MGRN1: variants seen among roughly 807,000 people sequenced by gnomAD.
MGRN1 encodes the protein mahogunin ring finger 1, also known as E3 ubiquitin-protein ligase MGRN1.
In MGRN1, 29 loss-of-function variants were observed where a neutral mutation model predicts 69.2. The observed-to-expected ratio is 0.42, with a 90% CI of 0.31 to 0.57. MGRN1 has a LOEUF of 0.57. Ranked by LOEUF, MGRN1 falls within the 20% of genes least tolerant of loss-of-function variation. The pLI, the probability that MGRN1 is intolerant of heterozygous loss-of-function variation, is 0.15. For missense variants in MGRN1, 998 were observed against 796.2 expected (o/e 1.25, Z -3.05); for synonymous variants, 470 against 344.2 (o/e 1.37, Z -4.04).
At chr16:4,636,912 G>T (rs1313528809) in intron 1 of MGRN1, among the ~76,000 whole-genome samples, 1 of 151,616 alleles carries the variant, frequency 6.6e-6, no homozygotes, top group Non-Finnish European at 1.5e-5. Context: ...AAGGTCAGGA[G>T]ATCGAGACCA....
chr16:4,673,786 T>A, intron 10 of MGRN1, 129 bp downstream of exon 10: 1 of 1,245,786 alleles, frequency 8.0e-7, no homozygotes, highest in Non-Finnish European at 1.1e-6. Context: ...ATTCATCTAG[T>A]CTGTGCTGAA....
At chr16:4,680,577 T>C in intron 12 of MGRN1, 1 of 160,574 alleles carries the variant, frequency 6.2e-6, no homozygotes, top group South Asian at 1.5e-4. Context: ...ACCTGGAGCC[T>C]CCGTGGCCCA....
At chr16:4,635,463 A>G (rs1898232231) in intron 1 of MGRN1, among the ~76,000 whole-genome samples, 1 of 151,718 alleles carries the variant, frequency 6.6e-6, no homozygotes, top group African/African-American at 2.4e-5. Context: ...TGAGGCTAAC[A>G]TATTCTTTTT....
At chr16:4,686,896 T>G in intron 16 of MGRN1, 1 of 985,410 alleles carries the variant, frequency 1.0e-6, no homozygotes, top group Non-Finnish European at 1.2e-6. Flanking sequence ...GATCACGTCT[T>G]CCCAAGCTCA....
intron 16 of MGRN1, chr16:4,686,417 C>G: frequency 2.1e-6 from 3 of 1,453,324 alleles, no homozygotes; most frequent in Non-Finnish European, 1.8e-6. Flanking sequence ...TCGTCCGCAT[C>G]CGCATCTTCC....
In MGRN1 at chr16:4,652,780, C is replaced by T; in HGVS notation, c.399C>T (p.Thr133=). 2 of 1,611,534 alleles carry T rather than the reference C, an allele frequency of 1.2e-6. No homozygotes were observed. Among genetic ancestry groups the T allele is most frequent in the Non-Finnish European group, 1.7e-6 (2 of 1,178,926 alleles). The change falls in exon 4 of 17, where the codon ACC becomes ACT. Residue 133 remains threonine (T), a synonymous_variant. Transcript: ENST00000262370. ...ACGCCGATGCCCGCGTGGCCATCAC[C>T]ATCTACTGCCAGGCATCGGAGGAGT... The part of the protein sequence containing the change: ...TFDADARVAI[T]IYCQASEEFL...
At chr16:4,646,125 C>T (rs1450434756) in intron 1 of MGRN1, among the ~76,000 whole-genome samples, 1 of 152,008 alleles carries the variant, frequency 6.6e-6, no homozygotes, top group Admixed American at 6.6e-5. Context: ...TCTGGCTCAC[C>T]ATCACTCGTG....
At chr16:4,661,985 G>A (rs771296259) in intron 5 of MGRN1, among the ~76,000 whole-genome samples, 4 of 152,164 alleles carry the variant, frequency 2.6e-5, no homozygotes, top group African/African-American at 2.4e-5. Context: ...CCTGCTGGGT[G>A]GGGACATGCC....
rs771081905 is a variant in MGRN1 at position 4,671,468 on chromosome 16, C to T, written c.795+9C>T. 1.9e-6 allele frequency: 3 copies of T among 1,613,616 alleles called. No individual in the cohort carries two copies. Among genetic ancestry groups the T allele is most frequent in the Non-Finnish European group, 8.5e-7 (1 of 1,179,542 alleles). ...ACAACCAGGAGACCAAGGTGTGTAT[C>T]TGGGTGAGGTTTCCCTCTGCCATTA... On this transcript the variant is annotated intron_variant, in intron 9 of 16. Coordinates refer to ENST00000262370, the MANE Select transcript of MGRN1 (RefSeq NM_015246.4).
intron 4 of MGRN1, among the ~76,000 whole-genome samples, chr16:4,653,168 C>T (rs573480430): frequency 6.6e-6 from 1 of 152,326 alleles, no homozygotes; most frequent in Non-Finnish European, 1.5e-5. Flanking sequence ...ATAAATCAGG[C>T]TCCCACAGTC....
At chr16:4,630,128 G>C (rs841174) in intron 1 of MGRN1, among the ~76,000 whole-genome samples, 24,814 of 150,666 alleles carry the variant, frequency 0.16, 2,242 homozygotes, top group Middle Eastern at 0.29. Context: ...GAGATGGGTG[G>C]ATTGCCTGAG....
In MGRN1 at chr16:4,672,656, G is replaced by A. The variant is rs1596307572; in HGVS notation, c.796-842G>A. 1.5e-5 allele frequency: 5 copies of A among 335,822 alleles called. No individual in the cohort carries two copies. The East Asian group carries it at 4.2e-4, about 28-fold the overall frequency. 20.8% of individuals were successfully genotyped at this position (335,822 alleles called of 1,614,324 possible). A position where few individuals can be genotyped will look rare whatever the true frequency, so the allele number is the denominator to read the frequency against. On this transcript the variant is annotated intron_variant, in intron 9 of 16. Coordinates refer to ENST00000262370, the MANE Select transcript of MGRN1 (RefSeq NM_015246.4). ...CATTACAACAGGAGCAGCGGGGACT[G>A]TATAAAAATGAGTGGGTGTGGCGGT...
chr16:4,653,002 C>A (rs1427988255), intron 4 of MGRN1, among the ~76,000 whole-genome samples, 178 bp downstream of exon 4: 1 of 152,034 alleles, frequency 6.6e-6, no homozygotes, highest in African/African-American at 2.4e-5. Flanking sequence ...CACTTTTCTG[C>A]GGGAACCAGC....
Position 4,665,180 on chromosome 16 carries a change from G to A in MGRN1, c.678+29G>A, listed in dbSNP as rs749299650. ...AGTGCCATCTGGCCATCACTTTCCC[G>A]GGGACCTGGGAGCTGGGCAGGGGGT... On this transcript the variant is annotated intron_variant, in intron 7 of 16. Coordinates refer to ENST00000262370, the MANE Select transcript of MGRN1 (RefSeq NM_015246.4). 18 of 1,612,906 alleles carry A rather than the reference G, an allele frequency of 1.1e-5. No homozygotes were observed. The East Asian group carries it at 1.8e-4, about 16-fold the overall frequency.
In MGRN1 at chr16:4,690,881, G is replaced by A. The variant is rs999763634; in HGVS notation, c.*1973G>A. The A allele has an allele frequency of 1.6e-4, 24 of 151,442 alleles. No individual in the cohort carries two copies. The highest frequency in any genetic ancestry group is 5.8e-4 in the African/African-American group (24 of 41,104). The allele number at this position is 151,442 out of a possible 1,614,324, so 9.4% of individuals were successfully genotyped here. On this transcript the variant is annotated 3_prime_UTR_variant, in exon 17 of 17. Transcript: ENST00000262370. ...GTTCGGGCCGCAGAGTGGCCCGCTG[G>A]GACTCCCATGTGCTGCCGTCTGATG... is the stretch of plus-strand genomic sequence containing the variant.
chr16:4,674,374 C>T (rs937532310), intron 10 of MGRN1, among the ~76,000 whole-genome samples: 5 of 151,758 alleles, frequency 3.3e-5, no homozygotes, highest in Non-Finnish European at 4.4e-5. Flanking sequence ...CTGCAAACTC[C>T]GCCTCCCGGG....
At chr16:4,636,946 C>G (rs539730956) in intron 1 of MGRN1, among the ~76,000 whole-genome samples, 29 of 151,436 alleles carry the variant, frequency 1.9e-4, no homozygotes, top group African/African-American at 6.5e-4. Context: ...GGTAAAACCC[C>G]GTCTCTACTA....
chr16:4,681,682 G>C lies in MGRN1; in HGVS notation c.1264G>C (p.Gly422Arg), dbSNP rs200303018. The change falls in exon 13 of 17, where the codon GGC becomes CGC. Residue 422 changes from glycine to arginine, a missense_variant. Coordinates refer to ENST00000262370, the MANE Select transcript of MGRN1 (RefSeq NM_015246.4). ...AATCACCTATTCAGGCATCTCGGAC[G>C]GCCTGTCCCAGGCCAGCTGTCCCCT... ...EEITYSGISD[G>R]LSQASCPLAA... The C allele has an allele frequency of 1.2e-6, 2 of 1,613,414 alleles. No homozygotes were observed. Among genetic ancestry groups the C allele is most frequent in the East Asian group, 2.2e-5 (1 of 44,874 alleles).
intron 1 of MGRN1, among the ~76,000 whole-genome samples, chr16:4,631,328 C>G (rs1055177819): frequency 6.6e-6 from 1 of 152,170 alleles, no homozygotes; most frequent in African/African-American, 2.4e-5. Context: ...AAAATCAAAA[C>G]AACAGCGACA....
Sources: gnomAD v4.1 joint callset for allele counts (sites outside exome capture counted in the v4.1 genomes callset) on GRCh38, gnomAD v4.1.1 for gene constraint, MANE v1.5 for transcripts, NCBI Gene and HGNC (gene_info 2026-07-23, HGNC 2026-07-21) for gene names.